The following HFM1 variants were observed in gnomAD, a reference collection of about 807,000 sequenced individuals.
HFM1 encodes probable ATP-dependent DNA helicase HFM1.
HFM1 carries 169 observed loss-of-function variants against 192.1 expected under a neutral mutation model. The ratio of observed to expected loss-of-function variants is 0.88; its 90% CI spans 0.78 to 1.00. The LOEUF is 1.00. Ranked by LOEUF, HFM1 falls within the 50% of genes least tolerant of loss-of-function variation. The probability of loss-of-function intolerance (pLI) is 0.00; values close to 1 mark genes in which losing one functional copy is unlikely to be tolerated. For synonymous variants in HFM1, 525 were observed against 537.8 expected, an observed-to-expected ratio of 0.98 and a Z score of 0.33; for missense variants, 1,661 against 1,668.0, an observed-to-expected ratio of 1.00 and a Z score of 0.07.
Position 91,353,021 on chromosome 1 carries a change from T to C in HFM1, c.1831+30A>G, listed in dbSNP as rs369753243. 1.8e-4 allele frequency: 246 copies of C among 1,334,310 alleles called. 1 individual carries two copies. Among genetic ancestry groups the C allele is most frequent in the South Asian group, 2.6e-4 (21 of 79,956 alleles). 82.7% of individuals were successfully genotyped at this position (1,334,310 alleles called of 1,614,324 possible). A position where few individuals can be genotyped will look rare whatever the true frequency, so the allele number is the denominator to read the frequency against. On this transcript the variant is annotated intron_variant, in intron 15 of 38. Transcript: ENST00000370425. ...AAAAATAATTTTCCAAAATATTTTA[T>C]AGTATCCACGAGAAATATGTTTTAC...
chr1:91,313,721 GGAAAATAAAATATCTATAAAT>G (rs1277506260), intron 29 of HFM1, among the ~76,000 whole-genome samples: 1 of 151,546 alleles, frequency 6.6e-6, no homozygotes, highest in African/African-American at 2.4e-5. Flanking sequence ...TAACTATCTA[GGAAAATAAAATATCTATAAAT>G]GAAAAGATAA....
intron 30 of HFM1, among the ~76,000 whole-genome samples, chr1:91,297,492 C>G (rs974544988): frequency 6.6e-6 from 1 of 152,158 alleles, no homozygotes; most frequent in Non-Finnish European, 1.5e-5. Flanking sequence ...CAGACTGCCT[C>G]CTCAAGTGGG....
chr1:91,311,763 A>G (rs1229048185), intron 30 of HFM1, among the ~76,000 whole-genome samples: 1 of 152,196 alleles, frequency 6.6e-6, no homozygotes, highest in East Asian at 1.9e-4. Context: ...CCTCAAGACC[A>G]TGGGGAAAAT....
chr1:91,352,929 A>T, intron 15 of HFM1, 122 bp downstream of exon 15: 1 of 673,506 alleles, frequency 1.5e-6, no homozygotes, highest in Non-Finnish European at 2.5e-6. Flanking sequence ...GTAACCACTT[A>T]ATTTTATATT....
At chr1:91,399,132 G>C (rs887572741) in intron 2 of HFM1, among the ~76,000 whole-genome samples, 2 of 152,086 alleles carry the variant, frequency 1.3e-5, no homozygotes, top group Admixed American at 1.3e-4. Context: ...TATGTGCCAG[G>C]TATTGTTCTA....
chr1:91,289,293 C>T (rs1668420268), intron 30 of HFM1, among the ~76,000 whole-genome samples: 1 of 151,866 alleles, frequency 6.6e-6, no homozygotes. Context: ...CTCCCCACAT[C>T]CCAGACGATG....
chr1:91,338,780 C>T (rs1654941504), intron 20 of HFM1, among the ~76,000 whole-genome samples: 1 of 152,138 alleles, frequency 6.6e-6, no homozygotes, highest in Non-Finnish European at 1.5e-5. Context: ...ACACTGCAAA[C>T]ATGGACCCTG....
intron 2 of HFM1, among the ~76,000 whole-genome samples, chr1:91,398,528 T>C (rs1663936765): frequency 6.6e-6 from 1 of 152,212 alleles, no homozygotes; most frequent in Non-Finnish European, 1.5e-5. Context: ...TTTCATTACA[T>C]TACTCCATTC....
Position 91,347,554 on chromosome 1 carries a change from A to G in HFM1, c.2207-78T>C, listed in dbSNP as rs577601369. 6 of 846,340 alleles carry G rather than the reference A, an allele frequency of 7.1e-6. No homozygotes were observed. In the East Asian group the frequency reaches 1.3e-4, roughly 19 times the overall value. The allele number at this position is 846,340 out of a possible 1,614,324, so 52.4% of individuals were successfully genotyped here. A position where few individuals can be genotyped will look rare whatever the true frequency, so the allele number is the denominator to read the frequency against. ...TTTATACCCCAGTTAACTAGTGAAG[A>G]GCAGTCTAATGAAATCTTATATAAG... On this transcript the variant is annotated intron_variant, in intron 18 of 38. Coordinates refer to ENST00000370425, the MANE Select transcript of HFM1 (RefSeq NM_001017975.6).
At chr1:91,293,749 C>T (rs1193172377) in intron 30 of HFM1, among the ~76,000 whole-genome samples, 2 of 150,350 alleles carry the variant, frequency 1.3e-5, no homozygotes, top group East Asian at 2.0e-4. Flanking sequence ...CACATGCACA[C>T]GTATGTTTAT....
At chr1:91,300,296 C>G (rs1456108891) in intron 30 of HFM1, among the ~76,000 whole-genome samples, 4 of 152,146 alleles carry the variant, frequency 2.6e-5, no homozygotes, top group Non-Finnish European at 5.9e-5. Context: ...TAATTAATAG[C>G]TTACCAACCA....
At chr1:91,369,853 TAAA>T (rs1038556065) in intron 13 of HFM1, among the ~76,000 whole-genome samples, 1 of 151,378 alleles carries the variant, frequency 6.6e-6, no homozygotes, top group Non-Finnish European at 1.5e-5. Flanking sequence ...GCAAGACTAA[TAAA>T]GAAGAAAAGA....
rs555267947 is a variant in HFM1, at chr1:91,280,979, A to G, written c.3392-3917T>C. Among the ~76,000 whole-genome samples the G allele has an allele frequency of 2.0e-5, 3 of 152,348 alleles. No homozygotes were observed. In the South Asian group the frequency reaches 6.2e-4, roughly 32 times the overall value. On this transcript the variant is annotated intron_variant, in intron 30 of 38. Transcript: ENST00000370425. ...ACCATGTGACCATATAGAACCTTCT[A>G]GGGGATGCTAATGATTTAGATTCTA...
intron 30 of HFM1, among the ~76,000 whole-genome samples, chr1:91,282,201 CT>C (rs907386881): frequency 6.6e-6 from 1 of 152,118 alleles, no homozygotes; most frequent in African/African-American, 2.4e-5. Flanking sequence ...AATTGCCCCC[CT>C]TTTCTCTTAT....
chr1:91,289,262 C>T (rs541358997), intron 30 of HFM1, among the ~76,000 whole-genome samples: 26 of 150,838 alleles, frequency 1.7e-4, no homozygotes, highest in East Asian at 2.0e-4. Flanking sequence ...ACATCTCAGA[C>T]GGGGCGGCGG....
At chr1:91,347,533 T>C in intron 18 of HFM1, 57 bp from the exon 19 acceptor site, 1 of 1,128,076 alleles carries the variant, frequency 8.9e-7, no homozygotes, top group Non-Finnish European at 1.3e-6. Flanking sequence ...GCTCAGTTTA[T>C]ACCCCAGTTA....
At chr1:91,349,860 G>T (rs547095062) in intron 18 of HFM1, among the ~76,000 whole-genome samples, 1 of 152,154 alleles carries the variant, frequency 6.6e-6, no homozygotes, top group African/African-American at 2.4e-5. Context: ...AATATGCCAC[G>T]ATTTGTGTTT....
intron 20 of HFM1, among the ~76,000 whole-genome samples, chr1:91,341,699 CA>C (rs375114035): frequency 7.3e-5 from 11 of 151,294 alleles, no homozygotes; most frequent in African/African-American, 2.7e-4. Flanking sequence ...GCTAGAATAA[CA>C]AACAAAAAAA....
At chr1:91,291,404 T>A (rs1355740968) in intron 30 of HFM1, among the ~76,000 whole-genome samples, 1 of 151,998 alleles carries the variant, frequency 6.6e-6, no homozygotes, top group African/African-American at 2.4e-5. Flanking sequence ...CAAACTACCA[T>A]CAGATAATAC....
Sources: allele counts gnomAD v4.1 joint callset (sites outside exome capture counted in the v4.1 genomes callset), GRCh38; gene constraint gnomAD v4.1.1; transcripts MANE v1.5; gene names NCBI Gene and HGNC (gene_info 2026-07-23, HGNC 2026-07-21).